The following SPG11 variants were observed in gnomAD, a reference collection of about 807,000 sequenced individuals.
SPG11 encodes the protein SPG11 vesicle trafficking associated, spatacsin.
Under a neutral mutation model 274.0 loss-of-function variants are expected in SPG11, and 222 were observed. That is an observed-to-expected ratio of 0.81 (90% CI 0.73 to 0.91). SPG11 has a LOEUF of 0.91. SPG11 is among the 40% of genes least tolerant of loss of function. The pLI, the probability that SPG11 is intolerant of heterozygous loss-of-function variation, is 0.00. For synonymous variants in SPG11, 1,144 were observed against 1,039.7 expected, an observed-to-expected ratio of 1.10 and a Z score of -1.93; for missense variants, 3,114 against 2,872.7, an observed-to-expected ratio of 1.08 and a Z score of -1.92.
At chr15:44,575,259 A>G in intron 30 of SPG11, 1 of 560,984 alleles carries the variant, frequency 1.8e-6, no homozygotes, top group East Asian at 3.1e-5. Context: ...CTCATATGCT[A>G]CAAAGATCAA....
intron 29 of SPG11, 69 bp from the exon 30 acceptor site, chr15:44,584,627 C>G (rs2082721036): frequency 6.4e-7 from 1 of 1,554,582 alleles, no homozygotes; most frequent in Non-Finnish European, 8.7e-7. Context: ...CTAATGTTCC[C>G]TAAGTATATC....
At position 44,641,632 on chromosome 15, in the gene SPG11, C is replaced by CACAA. The variant is rs1416123255; in HGVS notation, c.1602+7233_1602+7234insTTGT. Reference sequence around the variant, plus strand: ...ACACACACACACACACACACACACACAAAACCTTAATCAGGGAAATGCAAA... The same window carrying CACAA: ...ACACACACACACACACACACACACACACAAAAAACCTTAATCAGGGAAATGCAAA... On this transcript the variant is annotated intron_variant, in intron 7 of 39. Transcript: ENST00000261866. 6.7e-4 allele frequency among the ~76,000 whole-genome samples: 98 copies of CACAA among 146,642 alleles called. 1 individual carries two copies. The South Asian group carries it at 0.011, about 17-fold the overall frequency.
chr15:44,637,283 G>C (rs931125032), intron 7 of SPG11, among the ~76,000 whole-genome samples: 2 of 152,220 alleles, frequency 1.3e-5, no homozygotes, highest in Admixed American at 1.3e-4. Context: ...CTGATTGAAA[G>C]ACCAATGTGA....
intron 36 of SPG11, among the ~76,000 whole-genome samples, 187 bp from the exon 37 acceptor site, chr15:44,566,492 T>C (rs988805227): frequency 6.6e-6 from 1 of 152,212 alleles, no homozygotes; most frequent in Non-Finnish European, 1.5e-5. Context: ...CACTCCGCAG[T>C]AGGATTCAGT....
chr15:44,571,122 C>T (rs1052641109), intron 33 of SPG11, among the ~76,000 whole-genome samples: 3 of 152,138 alleles, frequency 2.0e-5, no homozygotes, highest in Admixed American at 6.5e-5. Flanking sequence ...ACTACAATCA[C>T]TGTAAGCACA....
rs1085307097 is a variant in SPG11, at chr15:44,620,233, AG to A, written c.2790del (p.Cys931ValfsTer5). ...LTVDVINQNT[S>X]CNNYMRNEIL... ...ATTTCATTCCTCATGTAGTTGTTAC[AG>A]GAAGTATTCTGGTTAATAACATCAA... On this transcript the variant is annotated frameshift_variant, in exon 15 of 40. Transcript: ENST00000261866. LOFTEE classifies it high-confidence loss of function. 6.2e-7 allele frequency: 1 copy of A among 1,614,116 alleles called. No homozygotes were observed. The highest frequency in any genetic ancestry group is 8.5e-7 in the Non-Finnish European group (1 of 1,180,012).
At chr15:44,641,018 G>A (rs955511351) in intron 7 of SPG11, among the ~76,000 whole-genome samples, 8 of 152,058 alleles carry the variant, frequency 5.3e-5, no homozygotes, top group South Asian at 2.1e-4. Flanking sequence ...GTGAGCCACC[G>A]CACCCAGCCA....
chr15:44,616,101 A>G (rs1231375168), intron 15 of SPG11, among the ~76,000 whole-genome samples: 3 of 152,142 alleles, frequency 2.0e-5, no homozygotes, highest in Non-Finnish European at 4.4e-5. Context: ...CCACTAACCT[A>G]ATTATAGAAC....
At position 44,567,500 on chromosome 15, in the gene SPG11, G is replaced by A. The variant is rs1193369646; in HGVS notation, c.6678C>T (p.Ser2226=). 3 of 1,613,978 alleles carry A rather than the reference G, an allele frequency of 1.9e-6. No homozygotes were observed. The highest frequency in any genetic ancestry group is 2.7e-5 in the African/African-American group (2 of 74,902). The change falls in exon 36 of 40, where the codon AGC becomes AGT. Residue 2226 remains serine, a synonymous_variant. Coordinates refer to ENST00000261866, the MANE Select transcript of SPG11 (RefSeq NM_025137.4). ...EKHNMIALCF[S]MCREIGENHE... is the part of the protein sequence containing the mutation. ...GGTTCTCGCCAATCTCCCGGCACAT[G>A]CTGAAGCACAGGGCAATCATATTGT...
Position 44,567,603 on chromosome 15 carries a change from T to A in SPG11, c.6586-11A>T. On this transcript the variant is annotated splice_polypyrimidine_tract_variant and intron_variant, in intron 35 of 39. Coordinates refer to ENST00000261866, the MANE Select transcript of SPG11 (RefSeq NM_025137.4). ...TTTCAGGGTACCACTCTGCCCAGAATAAAAGGGAAAAAGCAAGGTGTCAGT... is the reference window on the plus strand; with the variant it reads ...TTTCAGGGTACCACTCTGCCCAGAAAAAAAGGGAAAAAGCAAGGTGTCAGT... The A allele has an allele frequency of 6.2e-7, 1 of 1,613,806 alleles. No individual in the cohort carries two copies. The highest frequency in any genetic ancestry group is 8.5e-7 in the Non-Finnish European group (1 of 1,179,844).
chr15:44,633,918 A>G (rs1042410445), intron 7 of SPG11, among the ~76,000 whole-genome samples: 11 of 151,960 alleles, frequency 7.2e-5, no homozygotes, highest in African/African-American at 2.7e-4. Flanking sequence ...AGCTCAATGC[A>G]ACCTTTATCT....
Position 44,592,330 on chromosome 15 carries a change from C to G in SPG11, c.4743+1G>C. The G allele has an allele frequency of 6.3e-7, 1 of 1,576,158 alleles. No homozygotes were observed. Among genetic ancestry groups the G allele is most frequent in the Non-Finnish European group, 8.7e-7 (1 of 1,145,656 alleles). Reference sequence around the variant, plus strand: ...GAAAGAGCACCATAATTCCAACTTACCGTTTCAAGGCTCTTCTGAAACTCC... The same window carrying G: ...GAAAGAGCACCATAATTCCAACTTAGCGTTTCAAGGCTCTTCTGAAACTCC... On this transcript the variant is annotated splice_donor_variant, in intron 27 of 39. Transcript: ENST00000261866. LOFTEE classifies it high-confidence loss of function.
At chr15:44,651,088 G>A (rs1342113881) in intron 6 of SPG11, among the ~76,000 whole-genome samples, 1 of 152,128 alleles carries the variant, frequency 6.6e-6, no homozygotes, top group East Asian at 1.9e-4. Flanking sequence ...ATTAGAATTT[G>A]TGTGAAATCC....
intron 15 of SPG11, among the ~76,000 whole-genome samples, chr15:44,616,058 C>T (rs1186050530): frequency 1.3e-5 from 2 of 152,008 alleles, no homozygotes; most frequent in Non-Finnish European, 2.9e-5. Context: ...AAAATATATA[C>T]CTGTATATGG....
chr15:44,606,614 AAGT>A (rs1245809426), intron 19 of SPG11, among the ~76,000 whole-genome samples: 1 of 152,230 alleles, frequency 6.6e-6, no homozygotes, highest in African/African-American at 2.4e-5. Context: ...TGGCAGCAGC[AAGT>A]AGTGGTTGTT....
intron 11 of SPG11, among the ~76,000 whole-genome samples, chr15:44,625,043 G>A (rs943557700): frequency 6.6e-6 from 1 of 151,256 alleles, no homozygotes; most frequent in Non-Finnish European, 1.5e-5. Flanking sequence ...GCTGACGTAG[G>A]AGAATCGTTT....
rs1455807016 is a variant in SPG11 at position 44,651,915 on chromosome 15, T to C, written c.1032A>G (p.Ser344=). The part of the protein sequence containing the change: ...IDRSWKAQLS[S]LNETIKNSKL... ...TGGAGTTCTTTATTGTTTCATTCAA[T>C]GATGATAGCTGGGCTTTCCAAGACC... The change falls in exon 6 of 40, where the codon TCA becomes TCG. Residue 344 remains serine, a synonymous_variant. Transcript: ENST00000261866. The C allele has an allele frequency of 4.3e-6, 7 of 1,611,680 alleles. No homozygotes were observed. In the African/African-American group the frequency reaches 6.7e-5, roughly 15 times the overall value.
intron 7 of SPG11, among the ~76,000 whole-genome samples, chr15:44,636,686 G>A (rs1371894321): frequency 6.6e-6 from 1 of 151,254 alleles, no homozygotes; most frequent in Non-Finnish European, 1.5e-5. Context: ...AACAAATGTG[G>A]TTTGGGAGAA....
intron 35 of SPG11, among the ~76,000 whole-genome samples, chr15:44,569,028 G>A (rs1011004367): frequency 1.3e-5 from 2 of 152,000 alleles, no homozygotes; most frequent in Middle Eastern, 3.4e-3. Flanking sequence ...AAATTAGCCG[G>A]GCGTGGTGGT....
Sources: allele counts gnomAD v4.1 joint callset (sites outside exome capture counted in the v4.1 genomes callset), GRCh38; gene constraint gnomAD v4.1.1; transcripts MANE v1.5; gene names NCBI Gene and HGNC (gene_info 2026-07-23, HGNC 2026-07-21).